The following TNS1 variants were observed in gnomAD, a reference collection of about 807,000 sequenced individuals.
TNS1 encodes the protein tensin 1.
Under a neutral mutation model 168.6 loss-of-function variants are expected in TNS1, and 62 were observed. The ratio of observed to expected loss-of-function variants is 0.37; its 90% CI spans 0.30 to 0.45. TNS1 has a LOEUF of 0.45. TNS1 is among the 20% of genes least tolerant of loss of function. The pLI is 1.00. For missense variants in TNS1, 2,240 were observed against 2,339.4 expected, an observed-to-expected ratio of 0.96 and a Z score of 0.88; for synonymous variants, 934 against 933.2, an observed-to-expected ratio of 1.00 and a Z score of -0.02.
intron 3 of TNS1, among the ~76,000 whole-genome samples, chr2:217,927,663 G>A (rs1044524638): frequency 6.6e-6 from 1 of 152,144 alleles, no homozygotes; most frequent in Non-Finnish European, 1.5e-5. Context: ...AAGCCTAGGG[G>A]CCCTCATCTC....
chr2:217,875,160 C>G (rs1040208096), intron 18 of TNS1, among the ~76,000 whole-genome samples: 1 of 152,262 alleles, frequency 6.6e-6, no homozygotes, highest in African/African-American at 2.4e-5. Context: ...CAAGATGAAG[C>G]TGCCCTCAGC....
At chr2:217,992,790 C>G (rs559737985) in intron 1 of TNS1, among the ~76,000 whole-genome samples, 6 of 151,866 alleles carry the variant, frequency 4.0e-5, no homozygotes, top group African/African-American at 1.5e-4. Context: ...GACAGAGACA[C>G]GCAGAAACTA....
intron 22 of TNS1, among the ~76,000 whole-genome samples, chr2:217,827,274 G>A (rs1943756651): frequency 6.6e-6 from 1 of 152,116 alleles, no homozygotes. Flanking sequence ...ACAGCGCCTG[G>A]GACATAGCAG....
In TNS1 at chr2:218,032,126, G is replaced by A. The variant is rs777965294; in HGVS notation, c.156+1694C>T. ...GACCATAGGAGGGCTCAGGGTGTAG[G>A]GCAGTTGTGGGACCTAGAGAGGCCA... On this transcript the variant is annotated intron_variant, in intron 1 of 1. Transcript: ENST00000649572. This position sits in a 1 kb window ranked among gnomAD's most constrained non-coding sequence, Gnocchi z 4.0. Among the ~76,000 whole-genome samples, 55 of 152,304 alleles carry A rather than the reference G, an allele frequency of 3.6e-4. No homozygotes were observed. Among genetic ancestry groups the A allele is most frequent in the Non-Finnish European group, 7.6e-4 (52 of 68,024 alleles).
intron 3 of TNS1, among the ~76,000 whole-genome samples, chr2:217,931,239 T>C (rs930423842): frequency 7.9e-5 from 12 of 152,300 alleles, no homozygotes; most frequent in Admixed American, 2.6e-4. Context: ...CATCTGTTTT[T>C]CCACCCAGAG....
intron 29 of TNS1, 77 bp downstream of exon 29, chr2:217,810,171 G>T: frequency 1.3e-6 from 2 of 1,538,848 alleles, no homozygotes; most frequent in Non-Finnish European, 1.8e-6. Flanking sequence ...CCTCCAGCCT[G>T]CACGTGCAGG....
intron 3 of TNS1, among the ~76,000 whole-genome samples, chr2:217,924,297 T>TTC (rs149299331): frequency 4.5e-4 from 68 of 149,974 alleles, no homozygotes; most frequent in African/African-American, 1.3e-3. Context: ...TCCCTTATGT[T>TTC]TCTCTCTCTC....
intron 3 of TNS1, among the ~76,000 whole-genome samples, chr2:217,947,430 C>G (rs1261507941): frequency 6.6e-6 from 1 of 151,802 alleles, no homozygotes; most frequent in Non-Finnish European, 1.5e-5. Flanking sequence ...GAGCTGCAGA[C>G]AGAGGCTGCA....
intron 1 of TNS1, among the ~76,000 whole-genome samples, chr2:218,001,014 A>G (rs950196393): frequency 1.3e-5 from 2 of 152,066 alleles, no homozygotes; most frequent in Admixed American, 6.5e-5. Context: ...TTAGCTGGAC[A>G]TGTTGGCACG....
At chr2:217,822,191 G>A (rs1170461525) in intron 22 of TNS1, among the ~76,000 whole-genome samples, 2 of 152,248 alleles carry the variant, frequency 1.3e-5, no homozygotes, top group Non-Finnish European at 2.9e-5. Context: ...GGCCATCAGA[G>A]ACTCTTCCCT....
chr2:217,978,352 G>A (rs932458372), intron 3 of TNS1, among the ~76,000 whole-genome samples: 2 of 152,124 alleles, frequency 1.3e-5, no homozygotes, highest in African/African-American at 2.4e-5. Flanking sequence ...GGACACTGAG[G>A]TTTTCTAGGT....
intron 13 of TNS1, 74 bp from the exon 14 acceptor site, chr2:217,886,178 G>T: frequency 6.7e-7 from 1 of 1,500,042 alleles, no homozygotes; most frequent in East Asian, 2.3e-5. Flanking sequence ...GACAGTGAAG[G>T]GAGAAAGAGA....
chr2:217,982,729 C>T (rs537978876), intron 2 of TNS1, among the ~76,000 whole-genome samples: 8 of 152,188 alleles, frequency 5.3e-5, no homozygotes, highest in South Asian at 4.1e-4. Context: ...ACTAAGTTTA[C>T]GGGTAATTTT....
At chr2:217,931,195 T>G (rs1455217538) in intron 3 of TNS1, among the ~76,000 whole-genome samples, 1 of 152,134 alleles carries the variant, frequency 6.6e-6, no homozygotes, top group Non-Finnish European at 1.5e-5. Context: ...AATGGAGGTA[T>G]GAAGAGGGCT....
At chr2:217,867,486 G>A (rs947225929) in intron 18 of TNS1, among the ~76,000 whole-genome samples, 10 of 152,172 alleles carry the variant, frequency 6.6e-5, no homozygotes, top group Admixed American at 2.0e-4. Flanking sequence ...AAAACATAGT[G>A]CACACATACA....
chr2:217,861,536 G>A (rs1254592735), intron 18 of TNS1, among the ~76,000 whole-genome samples: 1 of 152,196 alleles, frequency 6.6e-6, no homozygotes, highest in Non-Finnish European at 1.5e-5. Flanking sequence ...CTAAGATTAT[G>A]CCTGGCCCTT....
upstream of TNS1, among the ~76,000 whole-genome samples, chr2:218,005,618 C>A (rs970293107): frequency 6.6e-6 from 1 of 152,220 alleles, no homozygotes; most frequent in Non-Finnish European, 1.5e-5. Context: ...GTGTCTCCAC[C>A]CCAACCCACA....
chr2:217,918,443 A>G (rs757352491), intron 4 of TNS1, among the ~76,000 whole-genome samples: 3 of 152,196 alleles, frequency 2.0e-5, no homozygotes, highest in Non-Finnish European at 2.9e-5. Context: ...GCCTCCTCGA[A>G]GGGCAGAGCC....
At chr2:217,837,781 G>A (rs550289433) in intron 19 of TNS1, among the ~76,000 whole-genome samples, 2 of 152,304 alleles carry the variant, frequency 1.3e-5, no homozygotes, top group South Asian at 2.1e-4. Flanking sequence ...GCCCTTATTC[G>A]CAGAACAGAA....
Sources: allele counts gnomAD v4.1 joint callset (sites outside exome capture counted in the v4.1 genomes callset), GRCh38; gene constraint gnomAD v4.1.1; non-coding constraint Gnocchi (gnomAD v3.1); transcripts MANE v1.5; gene names NCBI Gene and HGNC (gene_info 2026-07-23, HGNC 2026-07-21).